SAMD5: variants seen among roughly 807,000 people sequenced by gnomAD.
SAMD5 encodes the protein sterile alpha motif domain-containing protein 5.
In SAMD5, 13 loss-of-function variants were observed where a neutral mutation model predicts 11.3. That is an observed-to-expected ratio of 1.15 (90% CI 0.75 to 1.83). The LOEUF is 1.83. Among genes scored for constraint, SAMD5 ranks in the 40% most tolerant of loss-of-function variants. The pLI is 0.00. For synonymous variants in SAMD5, 129 were observed against 111.3 expected (o/e 1.16, Z -1.00); for missense variants, 255 against 239.1 (o/e 1.07, Z -0.44).
chr6:147,564,376 A>G lies in SAMD5; in HGVS notation c.460-18A>G, dbSNP rs1162773898. ...GTAAAGGAGAACTTCAATAACCCAG[A>G]TATGTTCAAATCCACAGGTCCCAAT... On this transcript the variant is annotated intron_variant, in intron 1 of 1. Transcript: ENST00000367474. 9.0e-6 allele frequency: 7 copies of G among 780,460 alleles called. No individual in the cohort carries two copies. The highest frequency in any genetic ancestry group is 1.7e-5 in the Non-Finnish European group (7 of 417,904). The allele number at this position is 780,460 out of a possible 1,614,324, so 48.3% of individuals were successfully genotyped here.
the SAMD5 span, among the ~76,000 whole-genome samples, chr6:147,945,706 G>A: frequency 6.6e-6 from 1 of 152,262 alleles, no homozygotes; most frequent in African/African-American, 2.4e-5. Context: ...AACAGTGGCA[G>A]GAACGTTAGC....
chr6:147,744,768 C>T, the SAMD5 span, among the ~76,000 whole-genome samples: 1 of 151,944 alleles, frequency 6.6e-6, no homozygotes, highest in African/African-American at 2.4e-5. Flanking sequence ...TGTAGTGGCA[C>T]GTGCCTGTAA....
chr6:147,715,035 T>A (rs1261928839), intron 1 of SAMD5, among the ~76,000 whole-genome samples: 1 of 152,208 alleles, frequency 6.6e-6, no homozygotes, highest in East Asian at 1.9e-4. Context: ...GGTTATCTTC[T>A]TGGCATGAGG....
intron 1 of SAMD5, among the ~76,000 whole-genome samples, chr6:147,555,114 C>T (rs576089788): frequency 3.3e-5 from 5 of 152,284 alleles, no homozygotes; most frequent in African/African-American, 1.2e-4. Context: ...CTTGATGAAG[C>T]AGTAGAAATT....
the SAMD5 span, among the ~76,000 whole-genome samples, chr6:147,763,193 T>C: frequency 6.6e-6 from 1 of 152,232 alleles, no homozygotes; most frequent in African/African-American, 2.4e-5. Context: ...AGAGTCTGAC[T>C]CTGTCACCCA....
intron 1 of SAMD5, among the ~76,000 whole-genome samples, chr6:147,684,509 G>A (rs985145474): frequency 6.6e-6 from 1 of 152,092 alleles, no homozygotes. Context: ...TTGTACATTT[G>A]TGCAGTGTTA....
At chr6:147,862,616 T>G in the SAMD5 span, among the ~76,000 whole-genome samples, 3 of 152,230 alleles carry the variant, frequency 2.0e-5, no homozygotes, top group Non-Finnish European at 4.4e-5. Flanking sequence ...GCTTGTTATT[T>G]ACAACTTATT....
chr6:147,536,105 T>C (rs1788505236), intron 1 of SAMD5, among the ~76,000 whole-genome samples: 2 of 151,950 alleles, frequency 1.3e-5, no homozygotes, highest in Admixed American at 1.3e-4. Flanking sequence ...CGCCTCAGCC[T>C]CCCAAGTAGC....
At chr6:147,616,415 C>A (rs1318334174) in intron 1 of SAMD5, among the ~76,000 whole-genome samples, 1 of 151,588 alleles carries the variant, frequency 6.6e-6, no homozygotes, top group East Asian at 1.9e-4. Context: ...CCCCTCCCTC[C>A]CTCTTTTCCT....
intron 1 of SAMD5, among the ~76,000 whole-genome samples, chr6:147,680,401 G>C (rs1047048738): frequency 3.9e-5 from 6 of 152,030 alleles, no homozygotes; most frequent in African/African-American, 1.4e-4. Context: ...TCACATATTA[G>C]TTCTGGTAAA....
At chr6:147,572,293 C>T (rs959412901), downstream of SAMD5, among the ~76,000 whole-genome samples, 1 of 151,852 alleles carries the variant, frequency 6.6e-6, no homozygotes, top group Non-Finnish European at 1.5e-5. Flanking sequence ...CCAAGTTTCT[C>T]CTTTTTGGAA....
Position 147,567,418 on chromosome 6 carries a change from T to C in SAMD5, c.*2962T>C. On this transcript the variant is annotated 3_prime_UTR_variant, in exon 2 of 2. Coordinates refer to ENST00000367474, the MANE Select transcript of SAMD5 (RefSeq NM_001030060.3). ...ATCTGAGTTTAAATTCTAAAATTAT[T>C]CTAGTAGTATTTTCCTGCGGTGAAT... The C allele has an allele frequency of 1.0e-6, 1 of 984,660 alleles. No homozygotes were observed. Among genetic ancestry groups the C allele is most frequent in the Middle Eastern group, 5.2e-4 (1 of 1,914 alleles). The allele number at this position is 984,660 out of a possible 1,614,324, so 61.0% of individuals were successfully genotyped here. A position where few individuals can be genotyped will look rare whatever the true frequency, so the allele number is the denominator to read the frequency against.
At chr6:147,917,350 G>A in the SAMD5 span, among the ~76,000 whole-genome samples, 1 of 148,548 alleles carries the variant, frequency 6.7e-6, no homozygotes, top group African/African-American at 2.5e-5. Flanking sequence ...CTGCATAAAT[G>A]TCTTCTTTTG....
chr6:147,728,476 A>G (rs1476793978), intron 1 of SAMD5, among the ~76,000 whole-genome samples: 1 of 152,202 alleles, frequency 6.6e-6, no homozygotes, highest in African/African-American at 2.4e-5. Flanking sequence ...GGAATGAAGC[A>G]CAGCAAAAAC....
the SAMD5 span, among the ~76,000 whole-genome samples, chr6:147,862,743 A>G: frequency 6.6e-6 from 1 of 152,242 alleles, no homozygotes; most frequent in African/African-American, 2.4e-5. Context: ...TGTGGTCAGC[A>G]AAATTCATAA....
chr6:147,818,729 G>A, the SAMD5 span, among the ~76,000 whole-genome samples: 1 of 152,158 alleles, frequency 6.6e-6, no homozygotes, highest in African/African-American at 2.4e-5. Flanking sequence ...GGTCTGGAAA[G>A]AGACAGCAAG....
chr6:147,793,276 G>C, the SAMD5 span, among the ~76,000 whole-genome samples: 1 of 152,060 alleles, frequency 6.6e-6, no homozygotes, highest in Non-Finnish European at 1.5e-5. Context: ...AAAAACATCA[G>C]ATAAATCCCA....
At chr6:147,710,516 G>C (rs189317203) in intron 1 of SAMD5, among the ~76,000 whole-genome samples, 31 of 152,196 alleles carry the variant, frequency 2.0e-4, no homozygotes, top group Admixed American at 1.7e-3. Context: ...GACACTCCCT[G>C]CTTGTTAGTT....
At chr6:147,584,199 A>G (rs1205424679) in intron 1 of SAMD5, among the ~76,000 whole-genome samples, 1 of 152,112 alleles carries the variant, frequency 6.6e-6, no homozygotes, top group African/African-American at 2.4e-5. Context: ...ATACATTAAT[A>G]TATTATTAAT....
Sources: allele counts gnomAD v4.1 joint callset (sites outside exome capture counted in the v4.1 genomes callset), GRCh38; gene constraint gnomAD v4.1.1; transcripts MANE v1.5; gene names NCBI Gene and HGNC (gene_info 2026-07-23, HGNC 2026-07-21).